The following CAST variants were observed in gnomAD, a reference collection of about 807,000 sequenced individuals.
CAST encodes calpastatin.
CAST carries 76 observed loss-of-function variants against 119.6 expected under a neutral mutation model. The observed-to-expected ratio is 0.64, with a 90% confidence interval of 0.53 to 0.77. CAST has a LOEUF of 0.77. Ranked by LOEUF, CAST falls within the 30% of genes least tolerant of loss-of-function variation. CAST has a pLI of 0.00. For synonymous variants in CAST, 319 were observed against 331.6 expected, an observed-to-expected ratio of 0.96 and a Z score of 0.41; for missense variants, 953 against 946.5, an observed-to-expected ratio of 1.01 and a Z score of -0.09.
chr5:96,319,013 T>C, the CAST span: 1 of 152,232 alleles, frequency 6.6e-6, no homozygotes. Flanking sequence ...AAAAGACATT[T>C]ATTTGGCTCA....
intron 1 of CAST, among the ~76,000 whole-genome samples, chr5:96,629,972 G>A (rs902263596): frequency 6.6e-6 from 1 of 152,180 alleles, no homozygotes; most frequent in South Asian, 2.1e-4. Flanking sequence ...GACTCAACAG[G>A]ATTACAGAAC....
chr5:96,208,447 T>C, the CAST span, among the ~76,000 whole-genome samples: 1 of 151,970 alleles, frequency 6.6e-6, no homozygotes, highest in Admixed American at 6.6e-5. Flanking sequence ...TTTTTAACTT[T>C]TCAGTGTGGG....
the CAST span, among the ~76,000 whole-genome samples, chr5:96,117,073 A>G: frequency 6.6e-6 from 1 of 152,182 alleles, no homozygotes. Flanking sequence ...CTTGGAGGTG[A>G]GCAGCCCTGG....
chr5:96,401,375 G>T, the CAST span, among the ~76,000 whole-genome samples: 1 of 152,192 alleles, frequency 6.6e-6, no homozygotes, highest in African/African-American at 2.4e-5. Context: ...ATGACAGCCT[G>T]GTTTGCTGGG....
At chr5:96,303,773 A>G in the CAST span, among the ~76,000 whole-genome samples, 1 of 152,158 alleles carries the variant, frequency 6.6e-6, no homozygotes, top group Non-Finnish European at 1.5e-5. Flanking sequence ...TGAAAAAGAC[A>G]TGAAGTCACC....
intron 3 of CAST, among the ~76,000 whole-genome samples, chr5:96,709,775 T>A (rs1351286797): frequency 1.3e-5 from 2 of 152,218 alleles, no homozygotes; most frequent in African/African-American, 2.4e-5. Context: ...CATATATTAT[T>A]TTCTGAAAAT....
At chr5:95,997,222 A>T in the CAST span, among the ~76,000 whole-genome samples, 2 of 152,144 alleles carry the variant, frequency 1.3e-5, no homozygotes, top group African/African-American at 4.8e-5. Context: ...ACCAGGGGAA[A>T]CTGTGCCCAC....
At chr5:96,663,362 G>A (rs1259840633) in intron 1 of CAST, among the ~76,000 whole-genome samples, 1 of 152,192 alleles carries the variant, frequency 6.6e-6, no homozygotes, top group Non-Finnish European at 1.5e-5. Context: ...CCCTCTTGTG[G>A]TATGTATGAG....
At chr5:96,395,008 A>G in the CAST span, 5 of 1,613,658 alleles carry the variant, frequency 3.1e-6, no homozygotes, top group Non-Finnish European at 4.2e-6. Context: ...TTCTTCCTTC[A>G]TTTTGAATTC....
At chr5:96,283,137 A>AAAAAAG in the CAST span, among the ~76,000 whole-genome samples, 5 of 132,984 alleles carry the variant, frequency 3.8e-5, 1 homozygote, top group Admixed American at 7.9e-5. Context: ...CTCAAAAAAA[A>AAAAAAG]AAAAAAAAGA....
At chr5:96,729,499 CT>C in intron 7 of CAST, 112 bp from the exon 8 acceptor site, 2 of 646,744 alleles carry the variant, frequency 3.1e-6, no homozygotes, top group Non-Finnish European at 5.6e-6. Context: ...GACAGCACAA[CT>C]GTTATGAACA....
At chr5:96,656,942 A>AT (rs11382112) in intron 1 of CAST, among the ~76,000 whole-genome samples, 31,641 of 145,564 alleles carry the variant, frequency 0.22, 4,277 homozygotes, top group African/African-American at 0.42. Flanking sequence ...CTTTTTCTTA[A>AT]TTAAAAAAAA....
chr5:96,684,508 A>G (rs1196371874), intron 2 of CAST, among the ~76,000 whole-genome samples: 1 of 152,044 alleles, frequency 6.6e-6, no homozygotes, highest in African/African-American at 2.4e-5. Flanking sequence ...AACCAACTAC[A>G]TGCAACATGC....
At chr5:96,512,555 C>T in the CAST span, among the ~76,000 whole-genome samples, 3 of 152,176 alleles carry the variant, frequency 2.0e-5, no homozygotes, top group Non-Finnish European at 4.4e-5. Context: ...CTTTTAATAA[C>T]TAGACAGATC....
chr5:96,754,541 C>A, intron 21 of CAST, 117 bp from the exon 22 acceptor site: 2 of 690,390 alleles, frequency 2.9e-6, no homozygotes, highest in Non-Finnish European at 2.6e-6. Context: ...AGCATACGGT[C>A]ATATGTACTT....
chr5:96,410,895 C>A, the CAST span: 1 of 1,613,196 alleles, frequency 6.2e-7, no homozygotes, highest in Admixed American at 1.7e-5. Flanking sequence ...GGTGTAGATG[C>A]TGTCTGTGTA....
the CAST span, among the ~76,000 whole-genome samples, chr5:96,197,847 C>T: frequency 2.0e-5 from 3 of 152,174 alleles, no homozygotes; most frequent in Non-Finnish European, 4.4e-5. Flanking sequence ...CAGCCTTAAC[C>T]TTCTGGGCTC....
At chr5:96,150,740 A>T in the CAST span, among the ~76,000 whole-genome samples, 1 of 152,148 alleles carries the variant, frequency 6.6e-6, no homozygotes, top group Admixed American at 6.5e-5. Flanking sequence ...GGAGTGGCAG[A>T]GTGGGATGGT....
the CAST span, among the ~76,000 whole-genome samples, chr5:96,203,344 A>G: frequency 6.6e-6 from 1 of 151,966 alleles, no homozygotes; most frequent in Non-Finnish European, 1.5e-5. Context: ...TTTTTGTAGA[A>G]TTATTTCCTT....
Sources: gnomAD v4.1 joint callset for allele counts (sites outside exome capture counted in the v4.1 genomes callset) on GRCh38, gnomAD v4.1.1 for gene constraint, MANE v1.5 for transcripts, NCBI Gene and HGNC (gene_info 2026-07-23, HGNC 2026-07-21) for gene names.